Variants in PIEZO2 observed in about 807,000 individuals in gnomAD.
PIEZO2 encodes the protein piezo type mechanosensitive ion channel component 2.
In PIEZO2, 172 loss-of-function variants were observed where a neutral mutation model predicts 337.3. That is an observed-to-expected ratio of 0.51 (90% CI 0.45 to 0.58). PIEZO2 has a LOEUF of 0.58. Ranked by LOEUF, PIEZO2 falls within the 20% of genes least tolerant of loss-of-function variation. The probability of loss-of-function intolerance (pLI) is 0.00; values close to 1 mark genes in which losing one functional copy is unlikely to be tolerated. For missense variants in PIEZO2, 3,028 were observed against 3,391.3 expected, an observed-to-expected ratio of 0.89 and a Z score of 2.66; for synonymous variants, 1,251 against 1,228.5, an observed-to-expected ratio of 1.02 and a Z score of -0.38.
rs1018704696 is a variant in PIEZO2, at chr18:11,077,275, A to T, written c.65-11053T>A. Among the ~76,000 whole-genome samples, 1 of 152,182 alleles carries T rather than the reference A, an allele frequency of 6.6e-6. No homozygotes were observed. Among genetic ancestry groups the T allele is most frequent in the African/African-American group, 2.4e-5 (1 of 41,454 alleles). ...AACTGCTTATTAGCCTGCTCATCTT[A>T]GTGGCTTTGTCATCTATGGAAGTGA... On this transcript the variant is annotated intron_variant, in intron 1 of 55. Transcript: ENST00000674853. This position sits in a 1 kb window ranked among gnomAD's most constrained non-coding sequence, Gnocchi z 4.8.
chr18:11,031,250 CAGCCTCCCAA>C lies in PIEZO2; in HGVS notation c.160+34867_160+34876del, dbSNP rs984928249. On this transcript the variant is annotated intron_variant, in intron 2 of 55. Coordinates refer to ENST00000674853, the MANE Select transcript of PIEZO2 (RefSeq NM_001378183.1). The surrounding 1 kb of genome is among the most constrained non-coding windows in gnomAD (Gnocchi z 4.7). The stretch of plus-strand genomic sequence containing the variant: ...TCCTGACCTCGTGATCCACCCACCT[CAGCCTCCCAA>C]AGTGCTGGGATTACAGGCGTGAGCC... Among the ~76,000 whole-genome samples, 6 of 151,778 alleles carry C rather than the reference CAGCCTCCCAA, an allele frequency of 4.0e-5. No individual in the cohort carries two copies. The highest frequency in any genetic ancestry group is 5.9e-5 in the Non-Finnish European group (4 of 67,964).
intron 36 of PIEZO2, 87 bp downstream of exon 36, chr18:10,731,320 C>T (rs1207900288): frequency 1.1e-5 from 9 of 814,006 alleles, no homozygotes; most frequent in Non-Finnish European, 1.4e-5. Flanking sequence ...CTTAATCCCT[C>T]AGAAGTTTCT....
Position 10,943,096 on chromosome 18 carries a change from T to C in PIEZO2, c.287-31868A>G, listed in dbSNP as rs1430051182. Among the ~76,000 whole-genome samples the C allele has an allele frequency of 6.6e-6, 1 of 152,184 alleles. No homozygotes were observed. The highest frequency in any genetic ancestry group is 1.5e-5 in the Non-Finnish European group (1 of 68,032). On this transcript the variant is annotated intron_variant, in intron 3 of 55. Coordinates refer to ENST00000674853, the MANE Select transcript of PIEZO2 (RefSeq NM_001378183.1). The surrounding 1 kb of genome is among the most constrained non-coding windows in gnomAD (Gnocchi z 4.5). ...AACCCCTGGATAACCAGGCAGAAGT[T>C]TGCTGTAGAGGCAGGGTCCTCATGG... is the stretch of plus-strand genomic sequence containing the variant.
rs151327148 is a variant in PIEZO2 at position 10,953,744 on chromosome 18, A to T, written c.286+25791T>A. Among the ~76,000 whole-genome samples, 3 of 152,188 alleles carry T rather than the reference A, an allele frequency of 2.0e-5. No homozygotes were observed. Among genetic ancestry groups the T allele is most frequent in the African/African-American group, 7.2e-5 (3 of 41,516 alleles). On this transcript the variant is annotated intron_variant, in intron 3 of 55. Coordinates refer to ENST00000674853, the MANE Select transcript of PIEZO2 (RefSeq NM_001378183.1). The surrounding 1 kb of genome is among the most constrained non-coding windows in gnomAD (Gnocchi z 5.2). ...ATAGATGGGCAGCATTTTATTACCC[A>T]CATCTACTCATGGTCCTGCGGGAGG... is the stretch of plus-strand genomic sequence containing the variant.
intron 2 of PIEZO2, among the ~76,000 whole-genome samples, chr18:11,010,523 G>A (rs941345910): frequency 9.2e-5 from 14 of 152,132 alleles, no homozygotes; most frequent in African/African-American, 2.9e-4. Context: ...AACAAACCAC[G>A]TCTGCACTGG....
intron 27 of PIEZO2, among the ~76,000 whole-genome samples, chr18:10,755,077 TG>T (rs1315624884): frequency 6.6e-6 from 1 of 152,128 alleles, no homozygotes; most frequent in Non-Finnish European, 1.5e-5. Context: ...AGTAGGAGGA[TG>T]GGGACAAATA....
At chr18:10,791,560 G>A (rs971630469) in intron 13 of PIEZO2, 4 of 305,124 alleles carry the variant, frequency 1.3e-5, no homozygotes, top group Non-Finnish European at 2.4e-5. Context: ...CAAGTCCTGA[G>A]GAAGATGAAC....
intron 36 of PIEZO2, among the ~76,000 whole-genome samples, chr18:10,721,521 T>G (rs2036309332): frequency 6.6e-6 from 1 of 150,714 alleles, no homozygotes. Flanking sequence ...GAACAAATTT[T>G]TGTTCTGATC....
At chr18:10,788,737 G>A (rs1489436199) in intron 15 of PIEZO2, among the ~76,000 whole-genome samples, 2 of 152,064 alleles carry the variant, frequency 1.3e-5, no homozygotes, top group African/African-American at 2.4e-5. Flanking sequence ...CACCACAACT[G>A]GCTAATTTTT....
chr18:11,023,067 C>T (rs1232620441), intron 2 of PIEZO2, among the ~76,000 whole-genome samples: 3 of 152,072 alleles, frequency 2.0e-5, no homozygotes, highest in Admixed American at 6.5e-5. Flanking sequence ...GCAGACCCTT[C>T]GCCGTGAGTG....
chr18:10,677,961 AT>A lies in PIEZO2; in HGVS notation c.7953-87del. 7.6e-7 allele frequency: 1 copy of A among 1,317,252 alleles called. No individual in the cohort carries two copies. The highest frequency in any genetic ancestry group is 1.5e-5 in the South Asian group (1 of 66,890). The allele number at this position is 1,317,252 out of a possible 1,614,324, so 81.6% of individuals were successfully genotyped here. On this transcript the variant is annotated intron_variant, in intron 52 of 55. Transcript: ENST00000674853. This position sits in a 1 kb window ranked among gnomAD's most constrained non-coding sequence, Gnocchi z 4.1. ...TACAACATATTTAACTCTTAATTTG[AT>A]TAATGTCACCACGTTTTCATTGGGT... is the stretch of plus-strand genomic sequence containing the variant.
rs1057099726 is a variant in PIEZO2 at position 10,707,991 on chromosome 18, A to G, written c.5588+284T>C. 3.3e-5 allele frequency among the ~76,000 whole-genome samples: 5 copies of G among 152,194 alleles called. No homozygotes were observed. Among genetic ancestry groups the G allele is most frequent in the African/African-American group, 1.2e-4 (5 of 41,438 alleles). ...AACATGCTTATGTCTCTGAAAATGG[A>G]AAGTTTGAAATACTGAAAACATGGA... On this transcript the variant is annotated intron_variant, in intron 40 of 55. Coordinates refer to ENST00000674853, the MANE Select transcript of PIEZO2 (RefSeq NM_001378183.1). This position sits in a 1 kb window ranked among gnomAD's most constrained non-coding sequence, Gnocchi z 4.2.
Position 10,903,312 on chromosome 18 carries a change from A to T in PIEZO2, c.329+7874T>A, listed in dbSNP as rs1341900047. Among the ~76,000 whole-genome samples the T allele has an allele frequency of 6.6e-6, 1 of 152,070 alleles. No homozygotes were observed. The highest frequency in any genetic ancestry group is 1.9e-4 in the East Asian group (1 of 5,186). ...ATTGCTGCTCGAGTGACATTTCTAG[A>T]AGCACATCTAAGCTTACCTTCTCTG... On this transcript the variant is annotated intron_variant, in intron 4 of 55. Transcript: ENST00000674853. This position sits in a 1 kb window ranked among gnomAD's most constrained non-coding sequence, Gnocchi z 4.1.
In PIEZO2 at chr18:10,750,201, G is replaced by A; in HGVS notation, c.4168-14C>T. ...ACATGCTCCTATCTGAAAAACAAAAGAGGGGGATAATCCTGAAGCTCTGCA... is the reference window on the plus strand; with the variant it reads ...ACATGCTCCTATCTGAAAAACAAAAAAGGGGGATAATCCTGAAGCTCTGCA... On this transcript the variant is annotated splice_polypyrimidine_tract_variant and intron_variant, in intron 28 of 55. Transcript: ENST00000674853. This position sits in a 1 kb window ranked among gnomAD's most constrained non-coding sequence, Gnocchi z 4.1. 6.6e-7 allele frequency: 1 copy of A among 1,522,400 alleles called. No homozygotes were observed. The highest frequency in any genetic ancestry group is 2.4e-5 in the East Asian group (1 of 40,836). 94.3% of individuals were successfully genotyped at this position (1,522,400 alleles called of 1,614,324 possible).
intron 27 of PIEZO2, among the ~76,000 whole-genome samples, chr18:10,756,675 G>A (rs2037869720): frequency 6.6e-6 from 1 of 150,816 alleles, no homozygotes. Flanking sequence ...GGATGAGGAG[G>A]AGGGATGCAG....
chr18:11,062,594 G>T (rs561505306), intron 2 of PIEZO2, among the ~76,000 whole-genome samples: 40 of 152,306 alleles, frequency 2.6e-4, no homozygotes, highest in Middle Eastern at 3.4e-3. Flanking sequence ...CAAAAAGTGG[G>T]TGAAGGATAT....
At chr18:10,739,335 G>A (rs938871129) in intron 33 of PIEZO2, 1 of 152,104 alleles carries the variant, frequency 6.6e-6, no homozygotes, top group African/African-American at 2.4e-5. Flanking sequence ...TATAATGAGG[G>A]TGAAATGAAC....
intron 3 of PIEZO2, among the ~76,000 whole-genome samples, chr18:10,959,940 T>C (rs186433515): frequency 6.6e-6 from 1 of 152,192 alleles, no homozygotes; most frequent in Non-Finnish European, 1.5e-5. Context: ...CACTGACTCT[T>C]TTTTGAGTAA....
rs1252519417 is a variant in PIEZO2, at chr18:11,003,888, C to A, written c.161-24228G>T. On this transcript the variant is annotated intron_variant, in intron 2 of 55. Transcript: ENST00000674853. The surrounding 1 kb of genome is among the most constrained non-coding windows in gnomAD (Gnocchi z 4.6). ...CAAAACAATATTCAACTACATTTTT[C>A]AGGGACCTGCTAAATAGGACTAATG... Among the ~76,000 whole-genome samples the A allele has an allele frequency of 6.6e-6, 1 of 152,216 alleles. No individual in the cohort carries two copies. Among genetic ancestry groups the A allele is most frequent in the Admixed American group, 6.5e-5 (1 of 15,284 alleles).
Sources: gnomAD v4.1 joint callset for allele counts (sites outside exome capture counted in the v4.1 genomes callset) on GRCh38, gnomAD v4.1.1 for gene constraint, Gnocchi (gnomAD v3.1) non-coding constraint, MANE v1.5 for transcripts, NCBI Gene and HGNC (gene_info 2026-07-23, HGNC 2026-07-21) for gene names.